Variants in ASB3 observed in about 807,000 individuals in gnomAD.
ASB3 encodes ankyrin repeat and SOCS box protein 3.
A neutral mutation model predicts 54.5 loss-of-function variants in ASB3; 41 were observed. The observed-to-expected ratio is 0.75, with a 90% CI of 0.59 to 0.98. The LOEUF is 0.98. Ranked by LOEUF, ASB3 falls within the 50% of genes least tolerant of loss-of-function variation. ASB3 has a pLI of 0.00. For missense variants in ASB3, 733 were observed against 620.0 expected, an observed-to-expected ratio of 1.18 and a Z score of -1.94; for synonymous variants, 266 against 221.2, an observed-to-expected ratio of 1.20 and a Z score of -1.80.
At chr2:53,762,672 C>G (rs1332124845) in intron 2 of ASB3, among the ~76,000 whole-genome samples, 1 of 152,172 alleles carries the variant, frequency 6.6e-6, no homozygotes, top group Non-Finnish European at 1.5e-5. Flanking sequence ...CAGTGAAGAT[C>G]ATTACTGCCC....
intron 9 of ASB3, among the ~76,000 whole-genome samples, chr2:53,672,265 T>C (rs1018385223): frequency 1.7e-4 from 26 of 152,370 alleles, no homozygotes; most frequent in African/African-American, 5.0e-4. Context: ...TTCCCTATTA[T>C]AAATAATAAG....
chr2:53,681,849 T>G (rs1668387419), intron 9 of ASB3, among the ~76,000 whole-genome samples: 1 of 152,148 alleles, frequency 6.6e-6, no homozygotes, highest in Non-Finnish European at 1.5e-5. Flanking sequence ...ATGAGTCTTT[T>G]GTGGGTCCAT....
At chr2:53,675,175 T>C (rs141777870) in intron 9 of ASB3, among the ~76,000 whole-genome samples, 1 of 152,300 alleles carries the variant, frequency 6.6e-6, no homozygotes, top group East Asian at 1.9e-4. Flanking sequence ...TGCAAAAGCA[T>C]TTCATAAAGT....
intron 3 of ASB3, among the ~76,000 whole-genome samples, chr2:53,734,117 G>A (rs1265390757): frequency 6.6e-6 from 1 of 152,206 alleles, no homozygotes; most frequent in Non-Finnish European, 1.5e-5. Flanking sequence ...CATCCTTCCA[G>A]CGTGGGCGTT....
At chr2:53,726,203 A>G (rs1297079973) in intron 5 of ASB3, among the ~76,000 whole-genome samples, 1 of 151,926 alleles carries the variant, frequency 6.6e-6, no homozygotes, top group African/African-American at 2.4e-5. Context: ...CGACAAGAAA[A>G]CACACCTGAC....
At chr2:53,740,552 A>C (rs1261948888) in intron 3 of ASB3, among the ~76,000 whole-genome samples, 1 of 152,196 alleles carries the variant, frequency 6.6e-6, no homozygotes, top group Non-Finnish European at 1.5e-5. Context: ...TGATATACAG[A>C]ATTTTTTAAA....
intron 1 of ASB3, among the ~76,000 whole-genome samples, chr2:53,767,005 C>T (rs1673506789): frequency 6.6e-6 from 1 of 152,136 alleles, no homozygotes; most frequent in Non-Finnish European, 1.5e-5. Context: ...GCAGCAAGAG[C>T]TCTAATGAGC....
intron 8 of ASB3, 26 bp downstream of exon 8, chr2:53,700,245 A>G (rs753052843): frequency 2.5e-6 from 4 of 1,601,072 alleles, no homozygotes; most frequent in East Asian, 2.2e-5. Flanking sequence ...AAAAAGGGTA[A>G]GCCCGACTAT....
intron 9 of ASB3, among the ~76,000 whole-genome samples, chr2:53,681,118 T>C (rs1460608484): frequency 6.6e-6 from 1 of 152,244 alleles, no homozygotes; most frequent in Middle Eastern, 3.2e-3. Context: ...ACAGTTTCTT[T>C]ATCCATTGAT....
At chr2:53,781,422 A>C (rs1295256027) in intron 1 of ASB3, among the ~76,000 whole-genome samples, 1 of 152,110 alleles carries the variant, frequency 6.6e-6, no homozygotes, top group Admixed American at 6.6e-5. Flanking sequence ...CAAAAAAAAA[A>C]AAAAAAGTGA....
At chr2:53,748,355 A>G (rs1329163010) in intron 3 of ASB3, 2 of 152,206 alleles carry the variant, frequency 1.3e-5, no homozygotes, top group African/African-American at 2.4e-5. Flanking sequence ...CTGAGCCTCA[A>G]TAAATGCTTC....
In ASB3 at chr2:53,768,075, A is replaced by G. The variant is rs902958014; in HGVS notation, c.-13-2490T>C. 1.8e-5 allele frequency: 29 copies of G among 1,594,180 alleles called. No homozygotes were observed. The African/African-American group carries it at 3.4e-4, about 18-fold the overall frequency. On this transcript the variant is annotated intron_variant, in intron 1 of 9. Coordinates refer to ENST00000263634, the MANE Select transcript of ASB3 (RefSeq NM_016115.5). ...ACTGCCCCCTGACCCCTGCTCCCCA[A>G]CTCCACACACAGCACCCACACCCTA...
intron 9 of ASB3, among the ~76,000 whole-genome samples, chr2:53,676,860 C>T (rs1232621948): frequency 6.6e-6 from 1 of 152,176 alleles, no homozygotes; most frequent in African/African-American, 2.4e-5. Context: ...ACTTTGCCTC[C>T]CAGGTTCAAG....
intron 1 of ASB3, among the ~76,000 whole-genome samples, chr2:53,780,968 C>T (rs1022991786): frequency 3.9e-5 from 6 of 152,268 alleles, no homozygotes; most frequent in Admixed American, 6.5e-5. Context: ...TGTATATTAA[C>T]TCATTTAATC....
At chr2:53,714,312 G>C in intron 7 of ASB3, 72 bp downstream of exon 7, 1 of 1,541,740 alleles carries the variant, frequency 6.5e-7, no homozygotes, top group Non-Finnish European at 8.7e-7. Context: ...CATCGTGAAA[G>C]AAAGTCACTT....
chr2:53,774,072 G>C (rs1413990400), intron 1 of ASB3: 3 of 1,427,908 alleles, frequency 2.1e-6, no homozygotes, highest in African/African-American at 2.9e-5. Flanking sequence ...TACTCCCTTA[G>C]ATCACAACCT....
intron 1 of ASB3, among the ~76,000 whole-genome samples, chr2:53,770,422 G>T (rs1673817094): frequency 6.8e-6 from 1 of 146,760 alleles, no homozygotes; most frequent in African/African-American, 2.5e-5. Context: ...TGTGGCTTAT[G>T]ACTCAGCATT....
intron 9 of ASB3, among the ~76,000 whole-genome samples, chr2:53,690,363 C>T (rs1046448242): frequency 1.6e-4 from 24 of 152,170 alleles, no homozygotes; most frequent in African/African-American, 5.3e-4. Context: ...TAAAATCTAG[C>T]TCTTGGTCAA....
chr2:53,785,040 T>G (rs1006347034), intron 1 of ASB3, among the ~76,000 whole-genome samples: 10 of 152,232 alleles, frequency 6.6e-5, no homozygotes, highest in Non-Finnish European at 1.5e-4. Flanking sequence ...ACACTGGCCT[T>G]CTTTCTATCA....
Sources: gnomAD v4.1 joint callset for allele counts (sites outside exome capture counted in the v4.1 genomes callset) on GRCh38, gnomAD v4.1.1 for gene constraint, MANE v1.5 for transcripts, NCBI Gene and HGNC (gene_info 2026-07-23, HGNC 2026-07-21) for gene names.